The following TPST1 variants were observed in gnomAD, a reference collection of about 807,000 sequenced individuals.
TPST1 encodes protein-tyrosine sulfotransferase 1.
A neutral mutation model predicts 34.8 loss-of-function variants in TPST1; 20 were observed. That is an observed-to-expected ratio of 0.57 (90% confidence interval 0.40 to 0.84). The LOEUF is 0.84. TPST1 is among the 40% of genes least tolerant of loss of function. The probability of loss-of-function intolerance (pLI) is 0.00; values close to 1 mark genes in which losing one functional copy is unlikely to be tolerated. For missense variants in TPST1, 353 were observed against 455.5 expected, an observed-to-expected ratio of 0.78 and a Z score of 2.05; for synonymous variants, 152 against 159.4, an observed-to-expected ratio of 0.95 and a Z score of 0.35.
chr7:66,280,266 A>G (rs912482368), intron 2 of TPST1, among the ~76,000 whole-genome samples: 1 of 152,216 alleles, frequency 6.6e-6, no homozygotes, highest in Non-Finnish European at 1.5e-5. Flanking sequence ...CTGTTTTCTC[A>G]TAGAAGAGGA....
chr7:66,276,323 C>T (rs1288681399), intron 2 of TPST1, among the ~76,000 whole-genome samples: 1 of 131,152 alleles, frequency 7.6e-6, no homozygotes, highest in East Asian at 2.2e-4. Context: ...TTTTCACTTT[C>T]TTTTGAATTG....
At chr7:66,302,399 C>T (rs908883653) in intron 3 of TPST1, among the ~76,000 whole-genome samples, 1 of 152,140 alleles carries the variant, frequency 6.6e-6, no homozygotes, top group Admixed American at 6.5e-5. Flanking sequence ...GCCCTGGAAC[C>T]CAAGCACCAC....
intron 3 of TPST1, among the ~76,000 whole-genome samples, chr7:66,343,033 G>A (rs184705340): frequency 1.1e-3 from 164 of 152,086 alleles, no homozygotes; most frequent in African/African-American, 3.8e-3. Context: ...TGAAAGTCAC[G>A]GCCCAGGCAC....
At chr7:66,216,976 T>C (rs1328290096) in intron 1 of TPST1, among the ~76,000 whole-genome samples, 1 of 152,240 alleles carries the variant, frequency 6.6e-6, no homozygotes, top group Non-Finnish European at 1.5e-5. Flanking sequence ...TGGTATTTCA[T>C]TTCCACATAT....
At chr7:66,266,427 T>G (rs2115761408) in intron 2 of TPST1, among the ~76,000 whole-genome samples, 1 of 152,174 alleles carries the variant, frequency 6.6e-6, no homozygotes, top group East Asian at 1.9e-4. Flanking sequence ...TTGGTAGGAG[T>G]TAAACTAGTA....
intron 2 of TPST1, among the ~76,000 whole-genome samples, chr7:66,271,416 A>T: frequency 6.6e-6 from 1 of 152,134 alleles, no homozygotes; most frequent in East Asian, 1.9e-4. Flanking sequence ...TGATCTCGTG[A>T]TCTGCCCGCC....
At chr7:66,337,147 G>A (rs1047798233) in intron 3 of TPST1, among the ~76,000 whole-genome samples, 4 of 151,994 alleles carry the variant, frequency 2.6e-5, no homozygotes, top group Non-Finnish European at 5.9e-5. Context: ...ATGCTAATGG[G>A]TAAAAAGAAA....
chr7:66,277,845 T>A (rs1350247838), intron 2 of TPST1, among the ~76,000 whole-genome samples: 2 of 151,878 alleles, frequency 1.3e-5, no homozygotes, highest in African/African-American at 2.4e-5. Flanking sequence ...GGGGGACCTA[T>A]TAGAAGAATG....
In TPST1 at chr7:66,360,021, A is replaced by G; in HGVS notation, c.*156A>G. 4.4e-6 allele frequency: 2 copies of G among 455,168 alleles called. No homozygotes were observed. The highest frequency in any genetic ancestry group is 3.1e-5 in the South Asian group (2 of 64,476). The allele number at this position is 455,168 out of a possible 1,614,324, so 28.2% of individuals were successfully genotyped here. On this transcript the variant is annotated 3_prime_UTR_variant, in exon 6 of 6. Transcript: ENST00000304842. ...TTGCCAGTTTCCTCCCACTGAGAGG[A>G]TGGAGGTGTCCGCACAGCTTTGGGC...
At chr7:66,210,196 G>A (rs1789214570) in intron 1 of TPST1, among the ~76,000 whole-genome samples, 1 of 152,176 alleles carries the variant, frequency 6.6e-6, no homozygotes, top group Admixed American at 6.6e-5. Flanking sequence ...AAGGGTCAAG[G>A]ATGACATACT....
At chr7:66,251,622 C>T (rs186545719) in intron 2 of TPST1, among the ~76,000 whole-genome samples, 195 of 152,342 alleles carry the variant, frequency 1.3e-3, no homozygotes, top group Admixed American at 3.9e-3. Flanking sequence ...ACTAACATGG[C>T]AGGTTGGGAA....
At chr7:66,206,922 C>T (rs1392491677) in intron 1 of TPST1, among the ~76,000 whole-genome samples, 1 of 152,094 alleles carries the variant, frequency 6.6e-6, no homozygotes, top group East Asian at 1.9e-4. Flanking sequence ...GAGGAATTAT[C>T]CACCCCTCTC....
At chr7:66,333,109 CTCTA>C (rs765354161) in intron 3 of TPST1, among the ~76,000 whole-genome samples, 30 of 152,242 alleles carry the variant, frequency 2.0e-4, no homozygotes, top group Non-Finnish European at 4.1e-4. Flanking sequence ...CTCCTTTCTT[CTCTA>C]TCTCTGTATT....
intron 2 of TPST1, among the ~76,000 whole-genome samples, chr7:66,269,309 G>C (rs1026368017): frequency 2.0e-5 from 3 of 152,170 alleles, no homozygotes; most frequent in African/African-American, 7.2e-5. Flanking sequence ...GAAAACTTTA[G>C]ATTAGTTTTC....
intron 1 of TPST1, among the ~76,000 whole-genome samples, chr7:66,228,361 G>GA (rs1789708055): frequency 6.6e-6 from 1 of 152,156 alleles, no homozygotes. Context: ...ATTTTTGAAA[G>GA]AAGTTGAATC....
At chr7:66,304,075 G>A (rs1344913737) in intron 3 of TPST1, among the ~76,000 whole-genome samples, 1 of 152,122 alleles carries the variant, frequency 6.6e-6, no homozygotes, top group Non-Finnish European at 1.5e-5. Context: ...AGGAGTGAGG[G>A]GTTTAATATA....
rs1792661561 is a variant in TPST1 at position 66,360,104 on chromosome 7, C to A, written c.*239C>A. 1 of 371,258 alleles carries A rather than the reference C, an allele frequency of 2.7e-6. No individual in the cohort carries two copies. The highest frequency in any genetic ancestry group is 2.1e-5 in the African/African-American group (1 of 47,382). The allele number at this position is 371,258 out of a possible 1,614,324, so 23.0% of individuals were successfully genotyped here. A position where few individuals can be genotyped will look rare whatever the true frequency, so the allele number is the denominator to read the frequency against. ...TCTTGATCCCGATTTCATGCACAGC[C>A]CTGCAGTAAGGAGCCCAGAAGGAAC... is the stretch of plus-strand genomic sequence containing the variant. On this transcript the variant is annotated 3_prime_UTR_variant, in exon 6 of 6. Transcript: ENST00000304842.
chr7:66,228,508 C>T (rs1789710732), intron 1 of TPST1, among the ~76,000 whole-genome samples: 1 of 152,040 alleles, frequency 6.6e-6, no homozygotes, highest in Non-Finnish European at 1.5e-5. Flanking sequence ...ATATATGTAA[C>T]CCCCTAAATA....
At chr7:66,249,162 C>T (rs1790212812) in intron 2 of TPST1, among the ~76,000 whole-genome samples, 1 of 151,802 alleles carries the variant, frequency 6.6e-6, no homozygotes, top group East Asian at 1.9e-4. Context: ...AACATTCAGT[C>T]CATAATGAGG....
Sources: allele counts gnomAD v4.1 joint callset (sites outside exome capture counted in the v4.1 genomes callset), GRCh38; gene constraint gnomAD v4.1.1; transcripts MANE v1.5; gene names NCBI Gene and HGNC (gene_info 2026-07-23, HGNC 2026-07-21).